Variants in COG6 observed in about 807,000 individuals in gnomAD.
COG6 encodes conserved oligomeric Golgi complex subunit 6.
A neutral mutation model predicts 88.8 loss-of-function variants in COG6; 74 were observed. The observed-to-expected ratio is 0.83, with a 90% CI of 0.69 to 1.01. COG6 has a LOEUF of 1.01. Ranked by LOEUF, COG6 falls within the 50% of genes least tolerant of loss-of-function variation. The probability of loss-of-function intolerance (pLI) is 0.00; values close to 1 mark genes in which losing one functional copy is unlikely to be tolerated. For synonymous variants in COG6, 286 were observed against 278.7 expected (o/e 1.03, Z -0.26); for missense variants, 800 against 797.9 (o/e 1.00, Z -0.03).
At position 39,725,823 on chromosome 13, in the gene COG6, T is replaced by TTACCA. The variant is rs535244726; in HGVS notation, c.1746+1266_1746+1270dup. Among the ~76,000 whole-genome samples, 953 of 151,976 alleles carry TTACCA rather than the reference T, an allele frequency of 6.3e-3. 4 individuals carry two copies. The highest frequency in any genetic ancestry group is 0.011 in the Non-Finnish European group (723 of 67,774). On this transcript the variant is annotated intron_variant, in intron 17 of 18. Coordinates refer to ENST00000455146, the MANE Select transcript of COG6 (RefSeq NM_020751.3). ...TGTTTTTAGAAAGTTATATATACAC[T>TTACCA]TACCATACTATCCAGTACAATTCCA...
chr13:39,750,808 T>C (rs1880580833), intron 18 of COG6, 138 bp from the exon 19 acceptor site: 1 of 677,594 alleles, frequency 1.5e-6, no homozygotes, highest in Non-Finnish European at 2.6e-6. Context: ...TGTGTAGCCA[T>C]ATAGTGATTA....
At chr13:39,746,047 C>G (rs1880332144) in intron 18 of COG6, among the ~76,000 whole-genome samples, 1 of 151,866 alleles carries the variant, frequency 6.6e-6, no homozygotes, top group Admixed American at 6.6e-5. Flanking sequence ...AACACTTGAA[C>G]ACAGGGCGGG....
intron 13 of COG6, among the ~76,000 whole-genome samples, chr13:39,716,321 T>G (rs1878528337): frequency 6.6e-6 from 1 of 152,124 alleles, no homozygotes; most frequent in South Asian, 2.1e-4. Flanking sequence ...AATCTAGCTT[T>G]CTTTCAGTTA....
Position 39,727,482 on chromosome 13 carries a change from G to T in COG6, c.1760G>T (p.Arg587Leu). 6.2e-7 allele frequency: 1 copy of T among 1,612,298 alleles called. No homozygotes were observed. The highest frequency in any genetic ancestry group is 8.5e-7 in the Non-Finnish European group (1 of 1,178,608). The change falls in exon 18 of 19, where the codon CGT becomes CTT. Residue 587 changes from arginine (R) to leucine (L), a missense_variant. Transcript: ENST00000455146. ...TGTTTCATTTAGGTTCAGTTTGATC[G>T]TTATCTGTCAGCCCCAGACAACCTA... ...TLKAAMVQFD[R>L]YLSAPDNLLI...
intron 18 of COG6, among the ~76,000 whole-genome samples, chr13:39,777,154 C>G (rs1163987079): frequency 6.6e-6 from 1 of 152,160 alleles, no homozygotes; most frequent in Non-Finnish European, 1.5e-5. Flanking sequence ...AAATATGACC[C>G]TGCCACTGTT....
At chr13:39,766,525 AC>A (rs1474761336) in intron 18 of COG6, among the ~76,000 whole-genome samples, 2 of 151,286 alleles carry the variant, frequency 1.3e-5, no homozygotes, top group South Asian at 2.1e-4. Flanking sequence ...TCCCCATCCT[AC>A]CCCATCCCAT....
At chr13:39,762,485 T>C (rs2138165728) in intron 18 of COG6, among the ~76,000 whole-genome samples, 2 of 151,984 alleles carry the variant, frequency 1.3e-5, no homozygotes, top group South Asian at 4.1e-4. Context: ...AACAACAATC[T>C]ATTGTATATT....
At chr13:39,726,199 C>A (rs1463187547) in intron 17 of COG6, among the ~76,000 whole-genome samples, 1 of 151,910 alleles carries the variant, frequency 6.6e-6, no homozygotes, top group Non-Finnish European at 1.5e-5. Flanking sequence ...TCTGCACATT[C>A]CACCCTAAAC....
intron 18 of COG6, among the ~76,000 whole-genome samples, chr13:39,729,926 G>C (rs1221703961): frequency 6.6e-6 from 1 of 152,164 alleles, no homozygotes; most frequent in Admixed American, 6.5e-5. Context: ...TGAGTATTGT[G>C]TATGGATCTA....
chr13:39,780,649 G>C (rs1269992636), intron 18 of COG6, among the ~76,000 whole-genome samples: 1 of 152,130 alleles, frequency 6.6e-6, no homozygotes, highest in Non-Finnish European at 1.5e-5. Flanking sequence ...ATTTAGGGAG[G>C]TCTGAGGGCA....
At chr13:39,731,568 C>G (rs1019093197) in intron 18 of COG6, among the ~76,000 whole-genome samples, 4 of 152,086 alleles carry the variant, frequency 2.6e-5, no homozygotes, top group Non-Finnish European at 5.9e-5. Context: ...CAGTTACTTC[C>G]ATAATAACTT....
At chr13:39,701,890 G>A (rs1423969903) in intron 13 of COG6, among the ~76,000 whole-genome samples, 1 of 151,924 alleles carries the variant, frequency 6.6e-6, no homozygotes, top group African/African-American at 2.4e-5. Context: ...TATATGGAAA[G>A]GATGGAATTA....
chr13:39,752,844 A>G (rs1169261896), downstream of COG6, among the ~76,000 whole-genome samples: 2 of 152,194 alleles, frequency 1.3e-5, no homozygotes, highest in Admixed American at 6.5e-5. Context: ...TAAATTTGCT[A>G]TTACTCCATA....
chr13:39,732,157 T>C (rs1879488020), intron 18 of COG6, among the ~76,000 whole-genome samples: 1 of 152,150 alleles, frequency 6.6e-6, no homozygotes, highest in Admixed American at 6.5e-5. Flanking sequence ...CACCCGGAAA[T>C]TATGCTTTAT....
chr13:39,690,778 C>T (rs895555767), intron 11 of COG6, among the ~76,000 whole-genome samples: 30 of 151,784 alleles, frequency 2.0e-4, no homozygotes, highest in Non-Finnish European at 4.4e-4. Context: ...TCTCATAGGA[C>T]CTAACTGTAT....
intron 18 of COG6, among the ~76,000 whole-genome samples, chr13:39,766,693 C>T (rs1881175988): frequency 6.6e-6 from 1 of 152,166 alleles, no homozygotes; most frequent in Admixed American, 6.5e-5. Context: ...TCTGTGGGAA[C>T]TTGAATCAGC....
At chr13:39,669,884 A>G (rs757821571) in intron 4 of COG6, among the ~76,000 whole-genome samples, 8 of 152,158 alleles carry the variant, frequency 5.3e-5, no homozygotes, top group Admixed American at 3.3e-4. Flanking sequence ...GTGTGAATGT[A>G]TTTTAGGAAA....
chr13:39,736,595 G>A (rs904314939), intron 18 of COG6, among the ~76,000 whole-genome samples: 1 of 152,128 alleles, frequency 6.6e-6, no homozygotes, highest in African/African-American at 2.4e-5. Context: ...GGAGACTGAG[G>A]CAGGAGAATC....
chr13:39,750,943 TAGAG>T lies in COG6; in HGVS notation c.1827_1830del (p.Lys609AsnfsTer4). 1 of 1,612,418 alleles carries T rather than the reference TAGAG, an allele frequency of 6.2e-7. No individual in the cohort carries two copies. Among genetic ancestry groups the T allele is most frequent in the South Asian group, 1.1e-5 (1 of 91,022 alleles). On this transcript the variant is annotated splice_acceptor_variant and coding_sequence_variant, in exon 19 of 19. Transcript: ENST00000455146. LOFTEE classifies it high-confidence loss of function. ...TGTTTACATTTTGTTTGCTTATCAA[TAGAG>T]AGCAGATCGTAAAACAATCTACAGA...
Sources: allele counts gnomAD v4.1 joint callset (sites outside exome capture counted in the v4.1 genomes callset), GRCh38; gene constraint gnomAD v4.1.1; transcripts MANE v1.5; gene names NCBI Gene and HGNC (gene_info 2026-07-23, HGNC 2026-07-21).